Variants in MARK1 observed in about 807,000 individuals in gnomAD.
The protein encoded by MARK1 is microtubule affinity regulating kinase 1, also known as serine/threonine-protein kinase MARK1.
Under a neutral mutation model 96.3 loss-of-function variants are expected in MARK1, and 40 were observed. The ratio of observed to expected loss-of-function variants is 0.42; its 90% CI spans 0.32 to 0.54. MARK1 has a LOEUF of 0.54. Ranked by LOEUF, MARK1 falls within the 20% of genes least tolerant of loss-of-function variation. MARK1 has a pLI of 0.16. For missense variants in MARK1, 719 were observed against 984.6 expected, an observed-to-expected ratio of 0.73 and a Z score of 3.61; for synonymous variants, 317 against 341.2, an observed-to-expected ratio of 0.93 and a Z score of 0.78.
At position 220,653,114 on chromosome 1, in the gene MARK1, G is replaced by A. The variant is rs142863654; in HGVS notation, c.1750G>A (p.Val584Met). Residue 584 changes from valine (V) to methionine (M), a missense_variant, in exon 16 of 18, where the codon GTG becomes ATG. Physicochemically the swap from Val to Met is conservative, Grantham distance 21. This residue lies in a region of MARK1 where 501 missense variants were observed against 588.3 expected (regional missense o/e 0.85). Transcript: ENST00000366917. ...EAYRPGTTQR[V>M]PAASPSAHSI... ...TTGTCCCAGCAGTACAACCCAGAGAGTGCCTGCTGCTTCCCCATCTGCTCA... is the reference window on the plus strand; with the variant it reads ...TTGTCCCAGCAGTACAACCCAGAGAATGCCTGCTGCTTCCCCATCTGCTCA... 49 of 1,614,188 alleles carry A rather than the reference G, an allele frequency of 3.0e-5. No homozygotes were observed. The African/African-American group carries it at 5.2e-4, about 17-fold the overall frequency.
At chr1:220,547,036 G>A (rs1661549118) in intron 1 of MARK1, among the ~76,000 whole-genome samples, 1 of 151,830 alleles carries the variant, frequency 6.6e-6, no homozygotes, top group African/African-American at 2.4e-5. Flanking sequence ...AAAGCAAAAA[G>A]CTATGGATAA....
At chr1:220,643,272 C>T (rs983525752) in intron 13 of MARK1, among the ~76,000 whole-genome samples, 2 of 151,790 alleles carry the variant, frequency 1.3e-5, no homozygotes, top group African/African-American at 4.8e-5. Context: ...CTGGTGGAGC[C>T]GAAAAACACA....
At chr1:220,616,043 A>G (rs769948128) in intron 7 of MARK1, 48 bp downstream of exon 7, 3 of 928,708 alleles carry the variant, frequency 3.2e-6, no homozygotes, top group Admixed American at 2.1e-5. Flanking sequence ...GTTATTATTA[A>G]CATATATTTA....
chr1:220,608,854 AGTTGTGCG>A (rs1666254006), intron 6 of MARK1, among the ~76,000 whole-genome samples: 1 of 151,602 alleles, frequency 6.6e-6, no homozygotes, highest in African/African-American at 2.4e-5. Flanking sequence ...GTTCCCATGT[AGTTGTGCG>A]GTTTTGAGTG....
chr1:220,535,826 G>T (rs1219906782), intron 1 of MARK1, among the ~76,000 whole-genome samples: 3 of 152,086 alleles, frequency 2.0e-5, no homozygotes, highest in Non-Finnish European at 4.4e-5. Context: ...GACTGTGTAT[G>T]CATGGGTTCA....
intron 2 of MARK1, 52 bp downstream of exon 2, chr1:220,579,609 G>A (rs748786205): frequency 1.4e-6 from 2 of 1,456,156 alleles, no homozygotes; most frequent in South Asian, 1.2e-5. Flanking sequence ...CTGGAGTCTT[G>A]TTAAAGCTTC....
chr1:220,619,932 G>A (rs1181690226), intron 9 of MARK1, among the ~76,000 whole-genome samples: 1 of 152,162 alleles, frequency 6.6e-6, no homozygotes, highest in African/African-American at 2.4e-5. Flanking sequence ...GGGCTTTCTG[G>A]CATGGACTTC....
At chr1:220,650,058 C>T (rs143799787) in intron 13 of MARK1, among the ~76,000 whole-genome samples, 69 of 152,270 alleles carry the variant, frequency 4.5e-4, no homozygotes, top group African/African-American at 1.2e-3. Flanking sequence ...ACCTGAGACT[C>T]GAGGAAATAT....
chr1:220,574,050 G>T (rs1007443889), intron 1 of MARK1, among the ~76,000 whole-genome samples: 6 of 152,076 alleles, frequency 3.9e-5, no homozygotes, highest in African/African-American at 1.4e-4. Flanking sequence ...TCATCTTGGG[G>T]TCTGTTTCTG....
intron 16 of MARK1, among the ~76,000 whole-genome samples, chr1:220,653,701 T>G (rs753546158): frequency 5.9e-5 from 9 of 152,188 alleles, no homozygotes; most frequent in Non-Finnish European, 1.2e-4. Context: ...AAATTTATCT[T>G]GACAATACTT....
chr1:220,624,123 C>A (rs1336247790), intron 9 of MARK1, among the ~76,000 whole-genome samples: 1 of 151,726 alleles, frequency 6.6e-6, no homozygotes, highest in Non-Finnish European at 1.5e-5. Flanking sequence ...CATGATGAAA[C>A]CCCGTCTCTA....
At chr1:220,608,271 G>A (rs1666212738) in intron 6 of MARK1, among the ~76,000 whole-genome samples, 1 of 152,062 alleles carries the variant, frequency 6.6e-6, no homozygotes, top group Admixed American at 6.5e-5. Context: ...CGTACTCCTC[G>A]TTTAGTCTTG....
chr1:220,657,557 A>G (rs1669240216), intron 16 of MARK1, among the ~76,000 whole-genome samples: 1 of 152,310 alleles, frequency 6.6e-6, no homozygotes, highest in Middle Eastern at 3.4e-3. Context: ...AAAAAATTTC[A>G]AACTTTCACC....
chr1:220,581,823 T>A (rs906618132), intron 3 of MARK1, among the ~76,000 whole-genome samples: 8 of 152,214 alleles, frequency 5.3e-5, no homozygotes, highest in Non-Finnish European at 1.0e-4. Flanking sequence ...TTCACGTTAC[T>A]TCATTAATTA....
In MARK1 at chr1:220,528,582, T is replaced by C. The variant is rs983170300; in HGVS notation, c.-241T>C. On this transcript the variant is annotated 5_prime_UTR_variant, in exon 1 of 18. Transcript: ENST00000366917. ...CGGGCAACCGCCTCGCCCGAAGCCC[T>C]CCCTCGTTACTGTCCGCATACCCCG... The C allele has an allele frequency of 2.3e-5, 11 of 470,032 alleles. No individual in the cohort carries two copies. The East Asian group carries it at 4.1e-4, about 17-fold the overall frequency. 29.1% of individuals were successfully genotyped at this position (470,032 alleles called of 1,614,324 possible). A position where few individuals can be genotyped will look rare whatever the true frequency, so the allele number is the denominator to read the frequency against.
intron 5 of MARK1, among the ~76,000 whole-genome samples, chr1:220,603,128 A>G (rs1036740271): frequency 6.6e-6 from 1 of 152,068 alleles, no homozygotes; most frequent in African/African-American, 2.4e-5. Flanking sequence ...TTACAAGAAC[A>G]CTTTAAGCCA....
chr1:220,586,017 G>GCGCGCA (rs1399851903), intron 3 of MARK1, among the ~76,000 whole-genome samples: 3 of 116,218 alleles, frequency 2.6e-5, no homozygotes, highest in African/African-American at 8.3e-5. Flanking sequence ...ACACACGCGC[G>GCGCGCA]CGTGCGCAGA....
intron 1 of MARK1, among the ~76,000 whole-genome samples, chr1:220,573,229 A>G (rs986721324): frequency 1.3e-5 from 2 of 151,788 alleles, no homozygotes; most frequent in African/African-American, 4.8e-5. Context: ...ACTTTTTTCT[A>G]CCCTATTTTC....
chr1:220,545,806 G>A (rs1318411053), intron 1 of MARK1, among the ~76,000 whole-genome samples: 1 of 152,142 alleles, frequency 6.6e-6, no homozygotes, highest in South Asian at 2.1e-4. Flanking sequence ...GTTTGGTAAA[G>A]GGGAGACGCC....
Sources: allele counts gnomAD v4.1 joint callset (sites outside exome capture counted in the v4.1 genomes callset), GRCh38; gene constraint gnomAD v4.1.1; regional missense constraint gnomAD v4.1.1; transcripts MANE v1.5; gene names NCBI Gene and HGNC (gene_info 2026-07-23, HGNC 2026-07-21).